NBEAL1: variants seen among roughly 807,000 people sequenced by gnomAD.
NBEAL1 encodes the protein neurobeachin-like protein 1.
In NBEAL1, 273 loss-of-function variants were observed where a neutral mutation model predicts 351.3. The observed-to-expected ratio is 0.78, with a 90% CI of 0.70 to 0.86. The LOEUF is 0.86. Ranked by LOEUF, NBEAL1 falls within the 40% of genes least tolerant of loss-of-function variation. The pLI, the probability that NBEAL1 is intolerant of heterozygous loss-of-function variation, is 0.00. For missense variants in NBEAL1, 2,961 were observed against 3,201.3 expected, an observed-to-expected ratio of 0.92 and a Z score of 1.81; for synonymous variants, 1,050 against 1,086.4, an observed-to-expected ratio of 0.97 and a Z score of 0.66.
chr2:203,029,057 C>T (rs990606592), intron 2 of NBEAL1, among the ~76,000 whole-genome samples: 1 of 152,150 alleles, frequency 6.6e-6, no homozygotes, highest in African/African-American at 2.4e-5. Context: ...GTGATCTCAG[C>T]TCACTACAAC....
At chr2:203,198,679 T>A (rs1423017784) in intron 48 of NBEAL1, among the ~76,000 whole-genome samples, 1 of 151,068 alleles carries the variant, frequency 6.6e-6, no homozygotes, top group Non-Finnish European at 1.5e-5. Context: ...CTGGGCAACA[T>A]GGCAAAACCC....
At chr2:203,129,067 A>G (rs1248822777) in intron 24 of NBEAL1, among the ~76,000 whole-genome samples, 1 of 152,194 alleles carries the variant, frequency 6.6e-6, no homozygotes, top group East Asian at 1.9e-4. Flanking sequence ...CTTGTTAGAA[A>G]TGCAGATATA....
At chr2:203,144,978 A>C (rs930530495) in intron 32 of NBEAL1, 33 bp from the exon 33 acceptor site, 1 of 1,506,986 alleles carries the variant, frequency 6.6e-7, no homozygotes, top group South Asian at 1.3e-5. Flanking sequence ...TCATATATTA[A>C]ATTTTATGTA....
chr2:203,019,100 C>A (rs1417775487), intron 2 of NBEAL1, among the ~76,000 whole-genome samples: 4 of 152,100 alleles, frequency 2.6e-5, no homozygotes, highest in South Asian at 2.1e-4. Flanking sequence ...GAGTTTTCTA[C>A]AGTTTGAACG....
rs1478282722 is a variant in NBEAL1, at chr2:203,145,077, T to C, written c.5221T>C (p.Tyr1741His). The stretch of plus-strand genomic sequence containing the variant: ...CGATGGTCATGAGAACATGGCACTT[T>C]ATTGGAAGGATTGTTATGAAGCTTT... ...FYDGHENMALYWKDCYEALMV... is the reference protein window; with the variant it reads ...FYDGHENMALHWKDCYEALMV... Residue 1741 changes from tyrosine to histidine, a missense_variant, in exon 33 of 56, where the codon TAT (tyrosine) becomes CAT (histidine). Transcript: ENST00000683969. 2 of 1,613,280 alleles carry C rather than the reference T, an allele frequency of 1.2e-6. No homozygotes were observed. Among genetic ancestry groups the C allele is most frequent in the African/African-American group, 1.3e-5 (1 of 74,922 alleles).
chr2:203,172,676 A>G, intron 40 of NBEAL1, 53 bp from the exon 41 acceptor site: 4 of 1,530,248 alleles, frequency 2.6e-6, no homozygotes, highest in South Asian at 1.2e-5. Context: ...AGATATGAGG[A>G]TATTAGCTTC....
chr2:203,123,901 C>T (rs944589346), intron 19 of NBEAL1, among the ~76,000 whole-genome samples: 1 of 152,080 alleles, frequency 6.6e-6, no homozygotes, highest in African/African-American at 2.4e-5. Flanking sequence ...AAGAGAAAGG[C>T]GTATTTTTAT....
rs1370456080 is a variant in NBEAL1, at chr2:203,210,388, G to A, written c.7786-570G>A. Reference sequence around the variant, plus strand: ...AAAAAAAAAAAAAAAAAGTCTGGGCGCAGTGGCTCACGCCTGTAATGCCAG... The same window carrying A: ...AAAAAAAAAAAAAAAAAGTCTGGGCACAGTGGCTCACGCCTGTAATGCCAG... On this transcript the variant is annotated intron_variant, in intron 53 of 55. Transcript: ENST00000683969. Among the ~76,000 whole-genome samples the A allele has an allele frequency of 3.4e-5, 5 of 148,878 alleles. No homozygotes were observed. In the East Asian group the frequency reaches 7.9e-4, roughly 24 times the overall value.
chr2:203,175,835 T>G (rs937498080), intron 42 of NBEAL1, among the ~76,000 whole-genome samples: 2 of 152,220 alleles, frequency 1.3e-5, no homozygotes, highest in Non-Finnish European at 2.9e-5. Context: ...TTATACATTT[T>G]TGTCTCCATG....
chr2:203,136,359 A>C, intron 28 of NBEAL1, 107 bp downstream of exon 28: 1 of 915,594 alleles, frequency 1.1e-6, no homozygotes, highest in South Asian at 1.9e-5. Flanking sequence ...TATTGTATTC[A>C]TGTTCTAAGT....
At position 203,197,376 on chromosome 2, in the gene NBEAL1, C is replaced by A. The variant is rs1175823044; in HGVS notation, c.7113C>A (p.Gly2371=). ...KNQYRSFMSQ[G]SPELLITISM... ...AGTATCGTTCTTTTATGTCTCAAGG[C>A]AGCCCTGAGTTACTGGTAAGTTGAT... The change falls in exon 48 of 56, where the codon GGC becomes GGA. Residue 2371 remains glycine, a synonymous_variant. Transcript: ENST00000683969. The A allele has an allele frequency of 6.3e-7, 1 of 1,599,658 alleles. No homozygotes were observed. Among genetic ancestry groups the A allele is most frequent in the African/African-American group, 1.3e-5 (1 of 74,828 alleles).
intron 18 of NBEAL1, among the ~76,000 whole-genome samples, chr2:203,119,814 T>G (rs1267543706): frequency 6.6e-6 from 1 of 152,218 alleles, no homozygotes; most frequent in Non-Finnish European, 1.5e-5. Flanking sequence ...TGTTTTGTCC[T>G]ACTGTTTCAC....
At position 203,223,858 on chromosome 2, in the gene NBEAL1, G is replaced by T. The variant is rs1575144974; in HGVS notation, c.*6504G>T. Among the ~76,000 whole-genome samples the T allele has an allele frequency of 6.6e-6, 1 of 151,998 alleles. No homozygotes were observed. Among genetic ancestry groups the T allele is most frequent in the African/African-American group, 2.4e-5 (1 of 41,440 alleles). ...TTTTGAAGGAAAAAGATACTTGTCT[G>T]TATACGACATAATTGTTTTACTCTT... On this transcript the variant is annotated 3_prime_UTR_variant, in exon 56 of 56. Transcript: ENST00000683969.
chr2:203,076,390 T>C (rs1574936092), intron 7 of NBEAL1, among the ~76,000 whole-genome samples: 1 of 148,784 alleles, frequency 6.7e-6, no homozygotes, highest in South Asian at 2.1e-4. Context: ...GAGGCCGAGG[T>C]GGGAGAATCA....
At chr2:203,174,060 G>C (rs919214794) in intron 41 of NBEAL1, among the ~76,000 whole-genome samples, 1 of 151,000 alleles carries the variant, frequency 6.6e-6, no homozygotes, top group African/African-American at 2.4e-5. Flanking sequence ...GTAATAATCT[G>C]GTTTAGGCCT....
intron 6 of NBEAL1, among the ~76,000 whole-genome samples, chr2:203,064,841 T>C (rs1310934658): frequency 6.6e-6 from 1 of 152,176 alleles, no homozygotes; most frequent in Non-Finnish European, 1.5e-5. Context: ...ATAGAAGTAT[T>C]GTACCAGTGT....
At chr2:203,101,487 T>A (rs2062320132) in intron 12 of NBEAL1, among the ~76,000 whole-genome samples, 1 of 152,220 alleles carries the variant, frequency 6.6e-6, no homozygotes, top group South Asian at 2.1e-4. Context: ...TTCAGGCTCT[T>A]TTTTGGTTCC....
At chr2:203,154,787 A>G (rs189472436) in intron 35 of NBEAL1, among the ~76,000 whole-genome samples, 1 of 152,184 alleles carries the variant, frequency 6.6e-6, no homozygotes, top group Admixed American at 6.5e-5. Context: ...TCTCTACAAA[A>G]AATACGATTT....
intron 12 of NBEAL1, among the ~76,000 whole-genome samples, chr2:203,103,222 C>G (rs1401777099): frequency 1.3e-5 from 2 of 150,298 alleles, no homozygotes; most frequent in East Asian, 3.9e-4. Flanking sequence ...AGTTAGTGAT[C>G]TATTTTATTA....
Sources: allele counts gnomAD v4.1 joint callset (sites outside exome capture counted in the v4.1 genomes callset), GRCh38; gene constraint gnomAD v4.1.1; transcripts MANE v1.5; gene names NCBI Gene and HGNC (gene_info 2026-07-23, HGNC 2026-07-21).